Variants in TXNDC12 observed in about 807,000 individuals in gnomAD.
TXNDC12 encodes thioredoxin domain containing 12, also known as thioredoxin domain-containing protein 12.
A neutral mutation model predicts 24.2 loss-of-function variants in TXNDC12; 22 were observed. The observed-to-expected ratio is 0.91, with a 90% confidence interval of 0.65 to 1.30. The LOEUF (loss-of-function observed/expected upper bound fraction) is 1.30. TXNDC12 is among the 50% of genes most tolerant of loss of function. The probability of loss-of-function intolerance (pLI) is 0.00; values close to 1 mark genes in which losing one functional copy is unlikely to be tolerated. For missense variants in TXNDC12, 184 were observed against 205.8 expected (o/e 0.89, Z 0.65); for synonymous variants, 58 against 73.4 (o/e 0.79, Z 1.07).
At chr1:52,038,682 C>G (rs2124378931) in intron 2 of TXNDC12, among the ~76,000 whole-genome samples, 1 of 152,228 alleles carries the variant, frequency 6.6e-6, no homozygotes, top group South Asian at 2.1e-4. Context: ...AATACTCCAG[C>G]TTTAGATCCT....
intron 1 of TXNDC12, among the ~76,000 whole-genome samples, chr1:52,043,545 C>T (rs1353083145): frequency 6.6e-6 from 1 of 152,164 alleles, no homozygotes; most frequent in African/African-American, 2.4e-5. Flanking sequence ...TACTTAATCT[C>T]TGTATGCTTG....
intron 2 of TXNDC12, among the ~76,000 whole-genome samples, chr1:52,040,487 A>G (rs1009722433): frequency 6.6e-6 from 1 of 151,886 alleles, no homozygotes; most frequent in Non-Finnish European, 1.5e-5. Flanking sequence ...GCACCCAGCC[A>G]GTGTGCAGAA....
chr1:52,032,763 G>A (rs765467336), intron 2 of TXNDC12: 4 of 1,614,136 alleles, frequency 2.5e-6, no homozygotes, highest in South Asian at 1.1e-5. Flanking sequence ...TCTCATTGTT[G>A]GGATGCATTT....
At chr1:52,027,440 G>T in intron 3 of TXNDC12, 92 bp from the exon 4 acceptor site, 1 of 1,011,960 alleles carries the variant, frequency 9.9e-7, no homozygotes, top group African/African-American at 1.6e-5. Flanking sequence ...CTCTTTGGTA[G>T]TTTAGGCATT....
Position 52,048,407 on chromosome 1 carries a change from A to T in TXNDC12, c.97+6593T>A, listed in dbSNP as rs947418233. ...CTTGAGGCCAGGAGTTCGAGGATAC[A>T]GTGAGCTATGATGGCACCACTGCAC... On this transcript the variant is annotated intron_variant, in intron 1 of 6. Coordinates refer to ENST00000371626, the MANE Select transcript of TXNDC12 (RefSeq NM_015913.4). Among the ~76,000 whole-genome samples, 14 of 151,822 alleles carry T rather than the reference A, an allele frequency of 9.2e-5. No individual in the cohort carries two copies. In the South Asian group the frequency reaches 1.0e-3, roughly 11 times the overall value.
chr1:52,050,716 T>C (rs192350155), intron 1 of TXNDC12, among the ~76,000 whole-genome samples: 1 of 152,344 alleles, frequency 6.6e-6, no homozygotes, highest in East Asian at 1.9e-4. Flanking sequence ...TTCAGCCACT[T>C]ACCATTTTCA....
intron 6 of TXNDC12, among the ~76,000 whole-genome samples, chr1:52,021,657 T>G (rs1458158369): frequency 6.6e-6 from 1 of 151,806 alleles, no homozygotes; most frequent in Admixed American, 6.6e-5. Context: ...GGCATCCTGC[T>G]TATGGATTTA....
intron 1 of TXNDC12, among the ~76,000 whole-genome samples, chr1:52,044,574 C>G (rs1174545511): frequency 6.6e-6 from 1 of 152,168 alleles, no homozygotes; most frequent in Non-Finnish European, 1.5e-5. Flanking sequence ...CTGAGGAATT[C>G]AGATATTAGA....
intron 5 of TXNDC12, among the ~76,000 whole-genome samples, chr1:52,024,178 A>C (rs1227382368): frequency 6.6e-6 from 1 of 151,962 alleles, no homozygotes; most frequent in Non-Finnish European, 1.5e-5. Context: ...TACTTTTTGT[A>C]GAGACGGGCT....
At chr1:52,023,693 A>G (rs1685633937) in intron 5 of TXNDC12, 119 bp from the exon 6 acceptor site, 1 of 705,962 alleles carries the variant, frequency 1.4e-6, no homozygotes, top group East Asian at 2.7e-5. Context: ...GCAGCCCATT[A>G]CCTCACCATA....
At chr1:52,032,227 G>C (rs1052073904) in intron 2 of TXNDC12, 3 of 986,188 alleles carry the variant, frequency 3.0e-6, no homozygotes, top group Non-Finnish European at 3.6e-6. Context: ...TCCCAGAATA[G>C]AAACTAGCAA....
chr1:52,033,329 G>A (rs1202339985), intron 2 of TXNDC12: 2 of 1,613,738 alleles, frequency 1.2e-6, no homozygotes, highest in Admixed American at 1.7e-5. Context: ...CCCGCCGCCT[G>A]GGCTCTCCCG....
At chr1:52,042,627 A>AT (rs924479649) in intron 1 of TXNDC12, among the ~76,000 whole-genome samples, 214 of 146,646 alleles carry the variant, frequency 1.5e-3, no homozygotes, top group Admixed American at 3.9e-3. Context: ...CGACTGGCTA[A>AT]TTTTTTTTTT....
chr1:52,021,560 C>CAAAA (rs901244160), intron 6 of TXNDC12, among the ~76,000 whole-genome samples: 18 of 55,686 alleles, frequency 3.2e-4, no homozygotes, highest in African/African-American at 1.0e-3. Flanking sequence ...GTTCTCAGGC[C>CAAAA]AAAAAAAAAA....
At chr1:52,024,482 A>G in intron 5 of TXNDC12, 28 bp downstream of exon 5, 1 of 1,569,466 alleles carries the variant, frequency 6.4e-7, no homozygotes, top group East Asian at 2.2e-5. Flanking sequence ...CACATCATGG[A>G]TTCCCAGGTT....
In TXNDC12 at chr1:52,055,081, G is replaced by A; in HGVS notation, c.16C>T (p.Arg6Cys). 1 of 1,614,030 alleles carries A rather than the reference G, an allele frequency of 6.2e-7. No individual in the cohort carries two copies. Among genetic ancestry groups the A allele is most frequent in the Non-Finnish European group, 8.5e-7 (1 of 1,179,906 alleles). Reference protein sequence around the residue: METRPRLGATCLLGFS... With the variant: METRPCLGATCLLGFS... ...CCCAGCAAACAGGTGGCCCCGAGAC[G>A]AGGCCGCGTCTCCATGGCAGTAGGT... is the stretch of plus-strand genomic sequence containing the variant. Residue 6 changes from arginine (R) to cysteine (C), a missense_variant, in exon 1 of 7, where the codon CGT (arginine) becomes TGT (cysteine). Physicochemically the swap from Arg to Cys is radical, Grantham distance 180 (BLOSUM62 -3). Coordinates refer to ENST00000371626, the MANE Select transcript of TXNDC12 (RefSeq NM_015913.4).
At chr1:52,041,255 C>G (rs549960697) in intron 2 of TXNDC12, among the ~76,000 whole-genome samples, 1 of 152,154 alleles carries the variant, frequency 6.6e-6, no homozygotes, top group African/African-American at 2.4e-5. Context: ...ATGGCGTGAG[C>G]CCAGGAGGTG....
intron 2 of TXNDC12, chr1:52,033,790 C>G: frequency 6.5e-7 from 1 of 1,539,072 alleles, no homozygotes; most frequent in Non-Finnish European, 8.8e-7. Context: ...TTGGCAACCG[C>G]GCTGCGCCAA....
At chr1:52,023,071 C>G (rs1331476902) in intron 6 of TXNDC12, 1 of 157,064 alleles carries the variant, frequency 6.4e-6, no homozygotes, top group African/African-American at 2.4e-5. Context: ...GTATGAGCCA[C>G]TGTGCTCGGC....
Sources: gnomAD v4.1 joint callset for allele counts (sites outside exome capture counted in the v4.1 genomes callset) on GRCh38, gnomAD v4.1.1 for gene constraint, MANE v1.5 for transcripts, NCBI Gene and HGNC (gene_info 2026-07-23, HGNC 2026-07-21) for gene names.